The following CSTPP1 variants were observed in gnomAD, a reference collection of about 807,000 sequenced individuals.
CSTPP1 encodes the protein UPF0705 protein C11orf49.
At chr11:47,111,672 C>T in the CSTPP1 span, among the ~76,000 whole-genome samples, 2 of 152,022 alleles carry the variant, frequency 1.3e-5, no homozygotes, top group Non-Finnish European at 2.9e-5. Flanking sequence ...CTTGCTGCTG[C>T]GGATCACCTA....
the CSTPP1 span, chr11:47,137,590 G>A: frequency 6.8e-6 from 11 of 1,612,762 alleles, no homozygotes; most frequent in Admixed American, 8.3e-5. Context: ...AACAAAAAGA[G>A]GGCAGTGACT....
At chr11:46,989,595 C>T in the CSTPP1 span, among the ~76,000 whole-genome samples, 1 of 152,152 alleles carries the variant, frequency 6.6e-6, no homozygotes, top group Non-Finnish European at 1.5e-5. Flanking sequence ...GCCACCATGC[C>T]CAACTGATTA....
At chr11:46,954,618 C>T in the CSTPP1 span, among the ~76,000 whole-genome samples, 2 of 151,854 alleles carry the variant, frequency 1.3e-5, no homozygotes, top group Non-Finnish European at 2.9e-5. Context: ...CGCAAAATTC[C>T]ACTTCTTCCA....
At chr11:47,157,266 G>A in the CSTPP1 span, 2 of 1,514,670 alleles carry the variant, frequency 1.3e-6, no homozygotes, top group Admixed American at 2.2e-5. Context: ...CAGGGGGTCG[G>A]ACTGCTGGCT....
the CSTPP1 span, among the ~76,000 whole-genome samples, chr11:46,949,275 G>A: frequency 6.6e-6 from 1 of 152,274 alleles, no homozygotes; most frequent in East Asian, 1.9e-4. Flanking sequence ...AAAATTGATT[G>A]TCTTTCTTGA....
the CSTPP1 span, among the ~76,000 whole-genome samples, chr11:46,999,243 A>C: frequency 6.8e-6 from 1 of 147,954 alleles, no homozygotes; most frequent in Non-Finnish European, 1.5e-5. Context: ...TATAATAATT[A>C]TATATTATAA....
At chr11:47,086,774 A>G in the CSTPP1 span, among the ~76,000 whole-genome samples, 1 of 152,216 alleles carries the variant, frequency 6.6e-6, no homozygotes, top group Admixed American at 6.5e-5. Flanking sequence ...ATGTGTATAA[A>G]GTGCTTATTT....
At chr11:46,970,349 C>T in the CSTPP1 span, among the ~76,000 whole-genome samples, 1 of 151,380 alleles carries the variant, frequency 6.6e-6, no homozygotes, top group African/African-American at 2.4e-5. Flanking sequence ...CACATGTATA[C>T]ATATGTAACT....
At chr11:47,020,294 C>T in the CSTPP1 span, among the ~76,000 whole-genome samples, 3 of 152,232 alleles carry the variant, frequency 2.0e-5, no homozygotes, top group African/African-American at 7.2e-5. Flanking sequence ...TTTATGAAAA[C>T]AGTTATATCT....
the CSTPP1 span, chr11:47,161,800 C>G: frequency 7.1e-7 from 1 of 1,411,296 alleles, no homozygotes; most frequent in East Asian, 2.6e-5. Context: ...ATGATCAGCC[C>G]AGCCAGTGGC....
At chr11:47,110,890 C>CTTTTT in the CSTPP1 span, among the ~76,000 whole-genome samples, 1 of 125,496 alleles carries the variant, frequency 8.0e-6, no homozygotes, top group Admixed American at 8.7e-5. Flanking sequence ...GAGAACACAT[C>CTTTTT]TTTTTTTTTT....
the CSTPP1 span, among the ~76,000 whole-genome samples, chr11:46,937,079 G>C: frequency 6.6e-6 from 1 of 152,162 alleles, no homozygotes; most frequent in Non-Finnish European, 1.5e-5. Context: ...CAGGCAATGT[G>C]GATTGTGTTC....
At chr11:46,948,854 A>T in the CSTPP1 span, among the ~76,000 whole-genome samples, 1 of 152,222 alleles carries the variant, frequency 6.6e-6, no homozygotes, top group African/African-American at 2.4e-5. Context: ...AATGCGATGC[A>T]TTGAAAGATG....
At chr11:47,006,511 T>C in the CSTPP1 span, among the ~76,000 whole-genome samples, 1 of 152,140 alleles carries the variant, frequency 6.6e-6, no homozygotes, top group East Asian at 1.9e-4. Context: ...TAGCTTGATA[T>C]CATTTATCAG....
At chr11:46,937,466 T>C in the CSTPP1 span, among the ~76,000 whole-genome samples, 1 of 152,188 alleles carries the variant, frequency 6.6e-6, no homozygotes, top group Admixed American at 6.6e-5. Flanking sequence ...GTATATGTAG[T>C]ACTTTGTTGA....
At chr11:47,071,256 T>C in the CSTPP1 span, among the ~76,000 whole-genome samples, 1 of 152,232 alleles carries the variant, frequency 6.6e-6, no homozygotes, top group South Asian at 2.1e-4. Flanking sequence ...ATCAACTATC[T>C]GTTTACTTCT....
At chr11:47,047,332 T>C in the CSTPP1 span, among the ~76,000 whole-genome samples, 1 of 152,236 alleles carries the variant, frequency 6.6e-6, no homozygotes, top group Admixed American at 6.5e-5. Context: ...ACTTCCCAAC[T>C]ATAAAACTAG....
the CSTPP1 span, among the ~76,000 whole-genome samples, chr11:47,114,076 T>G: frequency 3.3e-5 from 5 of 152,196 alleles, no homozygotes; most frequent in Non-Finnish European, 5.9e-5. Context: ...GGCTAGCCAG[T>G]TTTCCCAGCA....
the CSTPP1 span, among the ~76,000 whole-genome samples, chr11:46,961,022 C>T: frequency 6.6e-6 from 1 of 152,110 alleles, no homozygotes; most frequent in Non-Finnish European, 1.5e-5. Context: ...TATGAAAATA[C>T]TGCTGTGAAC....
Sources: allele counts gnomAD v4.1 joint callset (sites outside exome capture counted in the v4.1 genomes callset), GRCh38; gene constraint gnomAD v4.1.1; transcripts MANE v1.5; gene names NCBI Gene and HGNC (gene_info 2026-07-23, HGNC 2026-07-21).